Variants in FLNB observed in about 807,000 individuals in gnomAD.
FLNB encodes the protein filamin B, also known as filamin-B.
FLNB carries 111 observed loss-of-function variants against 250.6 expected under a neutral mutation model. The ratio of observed to expected loss-of-function variants is 0.44; its 90% CI spans 0.38 to 0.52. The LOEUF (loss-of-function observed/expected upper bound fraction) is 0.52, where lower values mean the gene tolerates loss of function less well. FLNB is among the 20% of genes least tolerant of loss of function. FLNB has a pLI of 0.00. For synonymous variants in FLNB, 1,302 were observed against 1,372.1 expected (o/e 0.95, Z 1.13); for missense variants, 2,869 against 3,447.8 (o/e 0.83, Z 4.20).
intron 1 of FLNB, among the ~76,000 whole-genome samples, chr3:58,059,637 C>T (rs1400649872): frequency 6.6e-6 from 1 of 152,166 alleles, no homozygotes; most frequent in Non-Finnish European, 1.5e-5. Flanking sequence ...CTGGCCTGCC[C>T]TTGGACAGTG....
chr3:58,024,879 A>AT (rs1424033230), intron 1 of FLNB, among the ~76,000 whole-genome samples: 3 of 150,824 alleles, frequency 2.0e-5, no homozygotes, highest in Non-Finnish European at 4.4e-5. Flanking sequence ...TGCCCAGCTA[A>AT]TTTTTGTATT....
At chr3:58,052,500 C>T (rs2097164047) in intron 1 of FLNB, among the ~76,000 whole-genome samples, 1 of 152,126 alleles carries the variant, frequency 6.6e-6, no homozygotes, top group Admixed American at 6.5e-5. Flanking sequence ...AGTAAGACAG[C>T]TGAGTAAGAG....
Position 58,127,554 on chromosome 3 carries a change from G to A in FLNB, c.4222+792G>A, listed in dbSNP as rs1238325188. ...TTTGGGCTAGATGATTCTTTGTGGT[G>A]TGGGGCTGTCCTGTTCATTGTAGAC... On this transcript the variant is annotated intron_variant, in intron 24 of 45. Coordinates refer to ENST00000295956, the MANE Select transcript of FLNB (RefSeq NM_001457.4). Among the ~76,000 whole-genome samples, 3 of 152,248 alleles carry A rather than the reference G, an allele frequency of 2.0e-5. No individual in the cohort carries two copies. The East Asian group carries it at 5.8e-4, about 29-fold the overall frequency.
In FLNB at chr3:58,171,149, G is replaced by T; in HGVS notation, c.*387G>T. The T allele has an allele frequency of 4.5e-6, 1 of 224,706 alleles. No individual in the cohort carries two copies. The highest frequency in any genetic ancestry group is 8.8e-6 in the Non-Finnish European group (1 of 113,094). The allele number at this position is 224,706 out of a possible 1,614,324, so 13.9% of individuals were successfully genotyped here. ...TTATGAAACAAGGCTAGGGGAAGATGGGCAGAGAAAAAGGGGACACCTAGT... is the reference window on the plus strand; with the variant it reads ...TTATGAAACAAGGCTAGGGGAAGATTGGCAGAGAAAAAGGGGACACCTAGT... On this transcript the variant is annotated 3_prime_UTR_variant, in exon 46 of 46. Coordinates refer to ENST00000295956, the MANE Select transcript of FLNB (RefSeq NM_001457.4). This position sits in a 1 kb window ranked among gnomAD's most constrained non-coding sequence, Gnocchi z 5.5.
chr3:58,082,431 T>G (rs2097210492), intron 4 of FLNB, among the ~76,000 whole-genome samples: 1 of 152,150 alleles, frequency 6.6e-6, no homozygotes, highest in African/African-American at 2.4e-5. Flanking sequence ...ATGCCTTTTC[T>G]ATGGGGGAGG....
At chr3:58,090,313 C>G (rs2107016513) in intron 4 of FLNB, among the ~76,000 whole-genome samples, 1 of 152,240 alleles carries the variant, frequency 6.6e-6, no homozygotes, top group African/African-American at 2.4e-5. Flanking sequence ...ATGCCTTCTT[C>G]TAGAATATTT....
At chr3:58,025,643 CTCTG>C (rs1356539744) in intron 1 of FLNB, among the ~76,000 whole-genome samples, 1 of 152,170 alleles carries the variant, frequency 6.6e-6, no homozygotes, top group African/African-American at 2.4e-5. Flanking sequence ...TCCTTAAATG[CTCTG>C]TCTTACAGGG....
At chr3:58,122,012 A>G (rs1235188167) in intron 20 of FLNB, among the ~76,000 whole-genome samples, 3 of 151,876 alleles carry the variant, frequency 2.0e-5, no homozygotes, top group African/African-American at 7.3e-5. Flanking sequence ...CACTAAAAAT[A>G]CAAAAAATTA....
intron 25 of FLNB, chr3:58,132,093 A>G (rs2097308427): frequency 1.0e-6 from 1 of 963,604 alleles, no homozygotes; most frequent in South Asian, 1.4e-5. Context: ...AAAATTGCTT[A>G]CACCTGCCTC....
chr3:58,124,224 A>T, intron 21 of FLNB, 108 bp from the exon 22 acceptor site: 1 of 1,115,968 alleles, frequency 9.0e-7, no homozygotes, highest in African/African-American at 1.5e-5. Context: ...TTTTCCAGTT[A>T]CTGAAATTGG....
chr3:58,093,577 C>G (rs966560718), intron 4 of FLNB, among the ~76,000 whole-genome samples: 2 of 152,018 alleles, frequency 1.3e-5, no homozygotes, highest in African/African-American at 4.8e-5. Context: ...TTTAGGAACT[C>G]TGGAACCAGG....
Position 58,029,367 on chromosome 3 carries a change from C to A in FLNB, c.292+20511C>A, listed in dbSNP as rs75115040. 3.1e-3 allele frequency among the ~76,000 whole-genome samples: 476 copies of A among 152,208 alleles called. 3 individuals are homozygous for A. The highest frequency in any genetic ancestry group is 0.011 in the African/African-American group (446 of 41,520). ...CTCTAAAAAGCCTCATACTGCTAATCTCTGGGAATGAATGGTGTTCTTTGG... is the reference window on the plus strand; with the variant it reads ...CTCTAAAAAGCCTCATACTGCTAATATCTGGGAATGAATGGTGTTCTTTGG... On this transcript the variant is annotated intron_variant, in intron 1 of 45. Transcript: ENST00000295956.
At chr3:58,149,816 G>T (rs375141385) in intron 36 of FLNB, 34 bp from the exon 37 acceptor site, 1 of 1,614,142 alleles carries the variant, frequency 6.2e-7, no homozygotes, top group Non-Finnish European at 8.5e-7. Flanking sequence ...CTGAGGAGCT[G>T]CTGTCAGAAC....
chr3:58,008,822 C>A lies in FLNB; in HGVS notation c.258C>A (p.Phe86Leu). The change falls in exon 1 of 46, where the codon TTC (phenylalanine) becomes TTA (leucine). Residue 86 changes from phenylalanine (F) to leucine (L), a missense_variant. Physicochemically the swap from Phe to Leu is conservative, Grantham distance 22 (BLOSUM62 0). This residue lies in a region of FLNB where 308 missense variants were observed against 466.1 expected (regional missense o/e 0.66). Transcript: ENST00000295956. ...QLENVSVALEFLDRESIKLVS... is the reference protein window; with the variant it reads ...QLENVSVALELLDRESIKLVS... ...AGAATGTGTCCGTGGCGCTCGAGTT[C>A]CTGGACCGTGAGAGCATCAAGCTCG... 6.2e-7 allele frequency: 1 copy of A among 1,613,896 alleles called. No individual in the cohort carries two copies. Among genetic ancestry groups the A allele is most frequent in the Non-Finnish European group, 8.5e-7 (1 of 1,180,016 alleles).
chr3:58,131,985 T>C, intron 25 of FLNB: 1 of 1,537,176 alleles, frequency 6.5e-7, no homozygotes, highest in Non-Finnish European at 8.7e-7. Context: ...CAGAGTTCTT[T>C]AAAGGTGACC....
At chr3:58,113,097 T>C (rs2097271810) in intron 18 of FLNB, among the ~76,000 whole-genome samples, 1 of 152,224 alleles carries the variant, frequency 6.6e-6, no homozygotes, top group Non-Finnish European at 1.5e-5. Context: ...AGTTCATTAG[T>C]GTTAAGTGCA....
chr3:58,088,905 C>T (rs1252532700), intron 4 of FLNB, among the ~76,000 whole-genome samples: 1 of 152,204 alleles, frequency 6.6e-6, no homozygotes. Flanking sequence ...AGAACTCCCA[C>T]CTTCACGCAC....
intron 1 of FLNB, among the ~76,000 whole-genome samples, chr3:58,047,695 T>G (rs1439224259): frequency 6.6e-6 from 1 of 152,002 alleles, no homozygotes; most frequent in Admixed American, 6.6e-5. Context: ...TGCCTTAGTC[T>G]CCTGAGTAGC....
chr3:58,140,692 T>C (rs909993102), intron 29 of FLNB, among the ~76,000 whole-genome samples: 3 of 152,118 alleles, frequency 2.0e-5, no homozygotes, highest in Non-Finnish European at 2.9e-5. Context: ...CTCTGCAACC[T>C]CCACCTCCTG....
Sources: allele counts gnomAD v4.1 joint callset (sites outside exome capture counted in the v4.1 genomes callset), GRCh38; gene constraint gnomAD v4.1.1; regional missense constraint gnomAD v4.1.1; non-coding constraint Gnocchi (gnomAD v3.1); transcripts MANE v1.5; gene names NCBI Gene and HGNC (gene_info 2026-07-23, HGNC 2026-07-21).